The following KIF26B variants were observed in gnomAD, a reference collection of about 807,000 sequenced individuals.
The protein encoded by KIF26B is kinesin-like protein KIF26B.
A neutral mutation model predicts 151.2 loss-of-function variants in KIF26B; 63 were observed. That is an observed-to-expected ratio of 0.42 (90% CI 0.34 to 0.51). The LOEUF (loss-of-function observed/expected upper bound fraction) is 0.51, where lower values mean the gene tolerates loss of function less well. Ranked by LOEUF, KIF26B falls within the 20% of genes least tolerant of loss-of-function variation. KIF26B has a pLI of 0.07. For missense variants in KIF26B, 2,813 were observed against 2,913.6 expected, an observed-to-expected ratio of 0.97 and a Z score of 0.79; for synonymous variants, 1,357 against 1,262.1, an observed-to-expected ratio of 1.08 and a Z score of -1.59.
chr1:245,257,161 A>C (rs1670551924), intron 2 of KIF26B, among the ~76,000 whole-genome samples: 1 of 152,174 alleles, frequency 6.6e-6, no homozygotes, highest in African/African-American at 2.4e-5. Flanking sequence ...CCAATCAGAA[A>C]GTGTTTGAAT....
intron 9 of KIF26B, among the ~76,000 whole-genome samples, chr1:245,626,944 G>A (rs1374858622): frequency 1.3e-5 from 2 of 152,132 alleles, no homozygotes; most frequent in Admixed American, 1.3e-4. Flanking sequence ...TCACCCTTCT[G>A]CTTATGGATA....
chr1:245,212,609 A>T (rs527826963), intron 2 of KIF26B, among the ~76,000 whole-genome samples: 22 of 152,358 alleles, frequency 1.4e-4, no homozygotes, highest in African/African-American at 3.8e-4. Flanking sequence ...GCAGCAGCTC[A>T]GTCAGCTAAC....
intron 6 of KIF26B, among the ~76,000 whole-genome samples, chr1:245,603,827 C>T (rs2043422645): frequency 1.3e-5 from 2 of 152,134 alleles, no homozygotes; most frequent in Non-Finnish European, 2.9e-5. Flanking sequence ...AGTCACATTG[C>T]AAGGGAGTTG....
At chr1:245,626,447 G>A (rs2043725712) in intron 9 of KIF26B, among the ~76,000 whole-genome samples, 1 of 151,506 alleles carries the variant, frequency 6.6e-6, no homozygotes, top group Non-Finnish European at 1.5e-5. Flanking sequence ...TGACTGGGGT[G>A]AAATTATATC....
chr1:245,624,820 A>G (rs777200602), intron 9 of KIF26B, among the ~76,000 whole-genome samples: 2 of 152,186 alleles, frequency 1.3e-5, no homozygotes, highest in African/African-American at 2.4e-5. Context: ...CCCAAGGCCA[A>G]AAAGGTTTCT....
chr1:245,214,798 C>T (rs1669611472), intron 2 of KIF26B, among the ~76,000 whole-genome samples: 1 of 152,148 alleles, frequency 6.6e-6, no homozygotes, highest in Non-Finnish European at 1.5e-5. Context: ...CGAGATTGTG[C>T]TGTTGCACTC....
chr1:245,664,139 C>T (rs894513436), intron 10 of KIF26B, among the ~76,000 whole-genome samples: 11 of 152,124 alleles, frequency 7.2e-5, no homozygotes, highest in African/African-American at 2.7e-4. Flanking sequence ...GAGGCCGAGG[C>T]AGGCAGATCA....
At chr1:245,421,551 G>A (rs915322436) in intron 4 of KIF26B, among the ~76,000 whole-genome samples, 2 of 152,054 alleles carry the variant, frequency 1.3e-5, no homozygotes, top group Admixed American at 6.6e-5. Flanking sequence ...GATCCTAGAG[G>A]GAACATTCAA....
chr1:245,185,781 T>C (rs2886209), intron 2 of KIF26B, among the ~76,000 whole-genome samples: 135,126 of 152,228 alleles, frequency 0.89, 60,095 homozygotes, highest in East Asian at 1. Context: ...ATGCCCCCTT[T>C]GATGAGTCAT....
Position 245,163,893 on chromosome 1 carries a change from G to A in KIF26B, c.465+7210G>A, listed in dbSNP as rs952597693. ...ATATTCACTGATTTTTAAAAAATTG[G>A]TACTCTTGGATTTTCAAAAAATTTT... On this transcript the variant is annotated intron_variant, in intron 2 of 14. Coordinates refer to ENST00000407071, the MANE Select transcript of KIF26B (RefSeq NM_018012.4). Among the ~76,000 whole-genome samples, 4 of 152,088 alleles carry A rather than the reference G, an allele frequency of 2.6e-5. No homozygotes were observed. In the East Asian group the frequency reaches 7.7e-4, roughly 29 times the overall value.
intron 2 of KIF26B, among the ~76,000 whole-genome samples, chr1:245,364,001 G>C (rs1201457226): frequency 6.6e-6 from 1 of 152,154 alleles, no homozygotes; most frequent in African/African-American, 2.4e-5. Context: ...GTACGGATTG[G>C]TCCTGTGAGT....
chr1:245,253,079 G>A (rs956281730), intron 2 of KIF26B, among the ~76,000 whole-genome samples: 1 of 145,954 alleles, frequency 6.9e-6, no homozygotes, highest in East Asian at 2.0e-4. Context: ...ACATGATCTC[G>A]GCTCACTGCA....
intron 5 of KIF26B, among the ~76,000 whole-genome samples, chr1:245,583,738 G>A (rs987299643): frequency 1.3e-5 from 2 of 152,144 alleles, no homozygotes; most frequent in South Asian, 2.1e-4. Flanking sequence ...CTCACTTTCG[G>A]TGTGTCAAAG....
At chr1:245,554,477 G>C (rs1019855526) in intron 5 of KIF26B, among the ~76,000 whole-genome samples, 2 of 152,094 alleles carry the variant, frequency 1.3e-5, no homozygotes, top group Non-Finnish European at 2.9e-5. Flanking sequence ...AGTTACTTTG[G>C]GGATACCCAG....
At chr1:245,339,640 C>T (rs542642440) in intron 2 of KIF26B, among the ~76,000 whole-genome samples, 188 of 152,196 alleles carry the variant, frequency 1.2e-3, no homozygotes, top group Middle Eastern at 3.4e-3. Context: ...ATAAAATTGA[C>T]GTTTTAAAGT....
At chr1:245,386,659 C>T (rs1051678364) in intron 3 of KIF26B, among the ~76,000 whole-genome samples, 1 of 152,180 alleles carries the variant, frequency 6.6e-6, no homozygotes, top group Non-Finnish European at 1.5e-5. Flanking sequence ...CCATTAGCAT[C>T]ATTTCCTCCT....
Position 245,215,937 on chromosome 1 carries a change from C to T in KIF26B, c.465+59254C>T, listed in dbSNP as rs1485542199. Among the ~76,000 whole-genome samples, 6 of 152,044 alleles carry T rather than the reference C, an allele frequency of 3.9e-5. No homozygotes were observed. In the East Asian group the frequency reaches 9.7e-4, roughly 25 times the overall value. ...AAAGAAAATTTGACTTTATATTAAACGAAGTCAAAGCTGGGTTCAGTGGTG... is the reference window on the plus strand; with the variant it reads ...AAAGAAAATTTGACTTTATATTAAATGAAGTCAAAGCTGGGTTCAGTGGTG... On this transcript the variant is annotated intron_variant, in intron 2 of 14. Coordinates refer to ENST00000407071, the MANE Select transcript of KIF26B (RefSeq NM_018012.4).
chr1:245,550,112 T>C (rs1171232016), intron 5 of KIF26B, among the ~76,000 whole-genome samples: 1 of 152,212 alleles, frequency 6.6e-6, no homozygotes, highest in Non-Finnish European at 1.5e-5. Flanking sequence ...GAGACAAATT[T>C]CCTGCCAAAT....
chr1:245,478,013 G>A (rs1185353924), intron 4 of KIF26B, among the ~76,000 whole-genome samples: 1 of 151,676 alleles, frequency 6.6e-6, no homozygotes, highest in Admixed American at 6.6e-5. Context: ...CCAGCCGCTG[G>A]CACCCACTCA....
Sources: allele counts gnomAD v4.1 joint callset (sites outside exome capture counted in the v4.1 genomes callset), GRCh38; gene constraint gnomAD v4.1.1; transcripts MANE v1.5; gene names NCBI Gene and HGNC (gene_info 2026-07-23, HGNC 2026-07-21).